DIP2C: variants seen among roughly 807,000 people sequenced by gnomAD.
The protein encoded by DIP2C is disco-interacting protein 2 homolog C.
A neutral mutation model predicts 192.4 loss-of-function variants in DIP2C; 33 were observed. The observed-to-expected ratio is 0.17, with a 90% CI of 0.13 to 0.23. The LOEUF is 0.23. DIP2C is among the 10% of genes least tolerant of loss of function. DIP2C has a pLI of 1.00. For synonymous variants in DIP2C, 979 were observed against 864.1 expected (o/e 1.13, Z -2.33); for missense variants, 1,537 against 2,110.1 (o/e 0.73, Z 5.32).
chr10:321,650 GCGC>G, intron 31 of DIP2C, among the ~76,000 whole-genome samples: 2 of 84,002 alleles, frequency 2.4e-5, no homozygotes, highest in African/African-American at 1.1e-4. Context: ...CGAGAGACCG[GCGC>G]TGTTAGAACA....
chr10:346,521 T>C (rs1309706149), intron 26 of DIP2C, among the ~76,000 whole-genome samples: 7 of 135,766 alleles, frequency 5.2e-5, no homozygotes, highest in East Asian at 2.4e-4. Context: ...TCGCGCATAG[T>C]TCTCCCGGAA....
chr10:597,960 C>T (rs914690791), intron 1 of DIP2C, among the ~76,000 whole-genome samples: 1 of 152,208 alleles, frequency 6.6e-6, no homozygotes, highest in African/African-American at 2.4e-5. Flanking sequence ...CTTCCCTCTA[C>T]CCCACGGTTC....
At chr10:357,715 G>A (rs1342878434) in intron 23 of DIP2C, 113 bp downstream of exon 23, 2 of 758,724 alleles carry the variant, frequency 2.6e-6, no homozygotes, top group Non-Finnish European at 4.4e-6. Flanking sequence ...CACTGTCGCG[G>A]ACTGTCAGGG....
At chr10:553,645 A>G (rs1848694186) in intron 1 of DIP2C, among the ~76,000 whole-genome samples, 1 of 152,270 alleles carries the variant, frequency 6.6e-6, no homozygotes, top group Non-Finnish European at 1.5e-5. Flanking sequence ...TTCAAGAAAC[A>G]TACATCATAG....
At chr10:424,528 G>A (rs775518897) in intron 4 of DIP2C, among the ~76,000 whole-genome samples, 2 of 151,944 alleles carry the variant, frequency 1.3e-5, no homozygotes, top group Admixed American at 1.3e-4. Context: ...ACTATGACCG[G>A]CTAATTTTTG....
At chr10:593,166 G>A (rs2131647038) in intron 1 of DIP2C, among the ~76,000 whole-genome samples, 1 of 152,114 alleles carries the variant, frequency 6.6e-6, no homozygotes, top group Admixed American at 6.5e-5. Flanking sequence ...CCGCCTTCCT[G>A]CAGGACCAAC....
intron 16 of DIP2C, among the ~76,000 whole-genome samples, chr10:383,256 CTA>C (rs1490161547): frequency 6.6e-6 from 1 of 152,180 alleles, no homozygotes; most frequent in African/African-American, 2.4e-5. Flanking sequence ...TTATGAAATT[CTA>C]TAAGTGAAGA....
chr10:284,609 T>C (rs1180038311), intron 34 of DIP2C, among the ~76,000 whole-genome samples: 2 of 152,126 alleles, frequency 1.3e-5, no homozygotes, highest in Admixed American at 1.3e-4. Flanking sequence ...AAGGGGGAGA[T>C]GACGGGCAAG....
intron 1 of DIP2C, among the ~76,000 whole-genome samples, chr10:647,730 G>T (rs1855543532): frequency 6.6e-6 from 1 of 150,754 alleles, no homozygotes; most frequent in Non-Finnish European, 1.5e-5. Flanking sequence ...GGAGAGAACA[G>T]AGGGAAACTG....
intron 8 of DIP2C, among the ~76,000 whole-genome samples, chr10:409,528 A>T (rs538982350): frequency 6.6e-6 from 1 of 152,258 alleles, no homozygotes; most frequent in South Asian, 2.1e-4. Flanking sequence ...CACAAAACAA[A>T]TCCCCTCTTA....
chr10:517,083 G>C (rs1266875205), intron 1 of DIP2C, among the ~76,000 whole-genome samples: 1 of 151,830 alleles, frequency 6.6e-6, no homozygotes, highest in Non-Finnish European at 1.5e-5. Flanking sequence ...GTCAAACGTT[G>C]ACAGACTCCA....
chr10:294,814 A>C (rs542463350), intron 32 of DIP2C, among the ~76,000 whole-genome samples: 1 of 152,302 alleles, frequency 6.6e-6, no homozygotes, highest in Non-Finnish European at 1.5e-5. Context: ...AAAAATAAGC[A>C]AATAGGATTA....
intron 28 of DIP2C, among the ~76,000 whole-genome samples, chr10:343,996 G>A (rs192602406): frequency 5.9e-4 from 90 of 152,254 alleles, no homozygotes; most frequent in Admixed American, 2.2e-3. Flanking sequence ...GGGCCTTTGC[G>A]GGACTTCAGC....
intron 4 of DIP2C, among the ~76,000 whole-genome samples, chr10:423,758 G>A (rs1966376782): frequency 6.6e-6 from 1 of 152,068 alleles, no homozygotes; most frequent in Non-Finnish European, 1.5e-5. Flanking sequence ...AGTTCCTTAA[G>A]GATCAAGACA....
intron 6 of DIP2C, 145 bp from the exon 7 acceptor site, chr10:416,033 T>C: frequency 7.8e-7 from 1 of 1,275,472 alleles, no homozygotes; most frequent in East Asian, 2.4e-5. Flanking sequence ...CCCGAGGTGA[T>C]CATGCTGTAC....
At chr10:391,739 G>A (rs1589687067) in intron 10 of DIP2C, among the ~76,000 whole-genome samples, 2 of 152,314 alleles carry the variant, frequency 1.3e-5, no homozygotes, top group East Asian at 3.9e-4. Flanking sequence ...CTCCCCAGAT[G>A]GCTCAGCATG....
At chr10:460,245 A>T (rs2133376385) in intron 3 of DIP2C, among the ~76,000 whole-genome samples, 1 of 152,312 alleles carries the variant, frequency 6.6e-6, no homozygotes, top group South Asian at 2.1e-4. Flanking sequence ...TTGGGGAAAA[A>T]AAGGTGATAA....
intron 4 of DIP2C, among the ~76,000 whole-genome samples, chr10:428,284 T>A (rs1966725783): frequency 6.6e-6 from 1 of 152,348 alleles, no homozygotes; most frequent in East Asian, 1.9e-4. Context: ...ACCTTTCATC[T>A]GATAGCATTT....
intron 23 of DIP2C, 41 bp downstream of exon 23, chr10:357,787 A>AGTCGGGGACG: frequency 1.3e-6 from 2 of 1,511,372 alleles, no homozygotes; most frequent in Non-Finnish European, 1.8e-6. Flanking sequence ...CAGTCGGAAA[A>AGTCGGGGACG]GTCGGGGACG....
Sources: allele counts gnomAD v4.1 joint callset (sites outside exome capture counted in the v4.1 genomes callset), GRCh38; gene constraint gnomAD v4.1.1; transcripts MANE v1.5; gene names NCBI Gene and HGNC (gene_info 2026-07-23, HGNC 2026-07-21).